Variants in AHCYL2 observed in about 807,000 individuals in gnomAD.
The protein encoded by AHCYL2 is S-adenosylhomocysteine hydrolase-like protein 2.
AHCYL2 carries 28 observed loss-of-function variants against 81.4 expected under a neutral mutation model. The observed-to-expected ratio is 0.34, with a 90% CI of 0.25 to 0.47. The LOEUF is 0.47. Ranked by LOEUF, AHCYL2 falls within the 20% of genes least tolerant of loss-of-function variation. AHCYL2 has a pLI of 1.00. For missense variants in AHCYL2, 551 were observed against 785.1 expected, an observed-to-expected ratio of 0.70 and a Z score of 3.56; for synonymous variants, 272 against 290.2, an observed-to-expected ratio of 0.94 and a Z score of 0.64.
intron 8 of AHCYL2, chr7:129,405,493 C>A (rs1158992331): frequency 1.1e-5 from 4 of 349,134 alleles, no homozygotes; most frequent in Non-Finnish European, 1.5e-5. Flanking sequence ...TTCCTTTCTG[C>A]ACCACTTGCA....
chr7:129,357,207 AGG>A (rs1793762907), intron 1 of AHCYL2, among the ~76,000 whole-genome samples: 1 of 152,210 alleles, frequency 6.6e-6, no homozygotes, highest in Admixed American at 6.5e-5. Flanking sequence ...GGAACTGAAA[AGG>A]GGTATTAGTG....
Position 129,426,678 on chromosome 7 carries a change from C to A in AHCYL2, c.1829+115C>A. 23 of 1,406,568 alleles carry A rather than the reference C, an allele frequency of 1.6e-5. No individual in the cohort carries two copies. Among genetic ancestry groups the A allele is most frequent in the East Asian group, 2.3e-5 (1 of 42,978 alleles). The allele number at this position is 1,406,568 out of a possible 1,614,324, so 87.1% of individuals were successfully genotyped here. A position where few individuals can be genotyped will look rare whatever the true frequency, so the allele number is the denominator to read the frequency against. The stretch of plus-strand genomic sequence containing the variant: ...CTTACATGAACTCAGAAAAATGAAC[C>A]CACTTCCCCTCACTGCCACCTTCAA... On this transcript the variant is annotated intron_variant, in intron 16 of 16. Transcript: ENST00000325006. The surrounding 1 kb of genome is among the most constrained non-coding windows in gnomAD (Gnocchi z 4.3).
intron 1 of AHCYL2, among the ~76,000 whole-genome samples, chr7:129,330,212 G>T (rs927050838): frequency 6.6e-6 from 1 of 152,068 alleles, no homozygotes; most frequent in African/African-American, 2.4e-5. Context: ...ATGTTGGGCT[G>T]GTTTCAAATT....
chr7:129,258,918 C>T (rs1433969610), intron 1 of AHCYL2, among the ~76,000 whole-genome samples: 3 of 152,144 alleles, frequency 2.0e-5, no homozygotes, highest in African/African-American at 4.8e-5. Context: ...CTTGTTAGGG[C>T]ATTCCTTTAT....
intron 1 of AHCYL2, among the ~76,000 whole-genome samples, chr7:129,257,622 A>G (rs182609042): frequency 6.6e-6 from 1 of 152,306 alleles, no homozygotes; most frequent in African/African-American, 2.4e-5. Context: ...TAACCCAGCA[A>G]CTTTTTTCCT....
At chr7:129,289,657 A>G (rs867353936) in intron 1 of AHCYL2, among the ~76,000 whole-genome samples, 3 of 152,170 alleles carry the variant, frequency 2.0e-5, no homozygotes, top group African/African-American at 7.2e-5. Flanking sequence ...GCATTCTCCA[A>G]TTAGGCATTG....
At chr7:129,331,747 C>G (rs928698083) in intron 1 of AHCYL2, among the ~76,000 whole-genome samples, 5 of 151,758 alleles carry the variant, frequency 3.3e-5, no homozygotes, top group Admixed American at 3.3e-4. Flanking sequence ...GAGGCTGAGG[C>G]AGGAGAACCT....
At chr7:129,314,359 TCATTGACTGTAG>T (rs1797762207) in intron 1 of AHCYL2, among the ~76,000 whole-genome samples, 1 of 152,272 alleles carries the variant, frequency 6.6e-6, no homozygotes, top group Non-Finnish European at 1.5e-5. Context: ...GATTGTAAAC[TCATTGACTGTAG>T]GAATTGTTTT....
intron 1 of AHCYL2, among the ~76,000 whole-genome samples, chr7:129,249,551 G>C (rs1032912879): frequency 3.3e-5 from 5 of 151,546 alleles, no homozygotes; most frequent in African/African-American, 1.2e-4. Flanking sequence ...TCAGCCTCCC[G>C]AGTAGCTGGG....
chr7:129,346,453 G>GTTTGGC, intron 1 of AHCYL2, among the ~76,000 whole-genome samples: 1 of 152,094 alleles, frequency 6.6e-6, no homozygotes, highest in Non-Finnish European at 1.5e-5. Flanking sequence ...CAAACAACCT[G>GTTTGGC]ATTAAAAAGT....
intron 2 of AHCYL2, among the ~76,000 whole-genome samples, chr7:129,381,105 G>A (rs998316033): frequency 1.3e-5 from 2 of 152,108 alleles, no homozygotes; most frequent in African/African-American, 4.8e-5. Flanking sequence ...TGTAACTCTG[G>A]AAACCACAAT....
At chr7:129,414,539 G>C (rs1459621525) in intron 12 of AHCYL2, among the ~76,000 whole-genome samples, 1 of 148,824 alleles carries the variant, frequency 6.7e-6, no homozygotes, top group Non-Finnish European at 1.5e-5. Flanking sequence ...TCCTTTCTCA[G>C]CCTCCAGAGT....
chr7:129,293,796 T>A (rs191083720), intron 1 of AHCYL2, among the ~76,000 whole-genome samples: 89 of 152,336 alleles, frequency 5.8e-4, no homozygotes, highest in African/African-American at 2.0e-3. Flanking sequence ...CAGTAATCTC[T>A]TAACTGTCTT....
chr7:129,321,936 C>T (rs1296488393), intron 1 of AHCYL2, among the ~76,000 whole-genome samples: 4 of 151,430 alleles, frequency 2.6e-5, no homozygotes, highest in Non-Finnish European at 5.9e-5. Context: ...CCACCATGCC[C>T]ACCTAATTTT....
At chr7:129,281,153 A>G (rs980933277) in intron 1 of AHCYL2, among the ~76,000 whole-genome samples, 9 of 151,964 alleles carry the variant, frequency 5.9e-5, no homozygotes, top group Non-Finnish European at 1.0e-4. Context: ...ATGAGCCACC[A>G]CACCCGGCCC....
intron 2 of AHCYL2, 42 bp downstream of exon 2, chr7:129,379,791 A>G (rs1584854532): frequency 6.6e-7 from 1 of 1,514,094 alleles, no homozygotes; most frequent in Non-Finnish European, 9.1e-7. Context: ...TGAGGCTAAT[A>G]AGTACGATCT....
intron 1 of AHCYL2, among the ~76,000 whole-genome samples, chr7:129,294,498 A>G (rs1307094410): frequency 1.3e-5 from 2 of 152,182 alleles, no homozygotes; most frequent in African/African-American, 2.4e-5. Context: ...TGTGAGGTAG[A>G]TGGTATATCA....
chr7:129,314,307 T>C (rs913501892), intron 1 of AHCYL2, among the ~76,000 whole-genome samples: 2 of 152,226 alleles, frequency 1.3e-5, no homozygotes, highest in Admixed American at 1.3e-4. Context: ...CATTTCTAAT[T>C]AATCTTTTAT....
intron 1 of AHCYL2, among the ~76,000 whole-genome samples, chr7:129,244,003 T>G (rs1178263200): frequency 6.6e-6 from 1 of 151,376 alleles, no homozygotes; most frequent in African/African-American, 2.4e-5. Flanking sequence ...TTTTTTGTGC[T>G]TTTTTTTGGT....
Sources: allele counts gnomAD v4.1 joint callset (sites outside exome capture counted in the v4.1 genomes callset), GRCh38; gene constraint gnomAD v4.1.1; non-coding constraint Gnocchi (gnomAD v3.1); transcripts MANE v1.5; gene names NCBI Gene and HGNC (gene_info 2026-07-23, HGNC 2026-07-21).